Variants in NRG3 observed in about 807,000 individuals in gnomAD.
NRG3 encodes neuregulin 3.
Under a neutral mutation model 66.9 loss-of-function variants are expected in NRG3, and 31 were observed. The observed-to-expected ratio is 0.46, with a 90% confidence interval of 0.35 to 0.63. The LOEUF (loss-of-function observed/expected upper bound fraction) is 0.63. Among genes scored for constraint, NRG3 ranks in the 20% least tolerant of loss-of-function variants. NRG3 has a pLI of 0.00. For missense variants in NRG3, 910 were observed against 878.9 expected (o/e 1.04, Z -0.45); for synonymous variants, 393 against 359.4 (o/e 1.09, Z -1.06).
chr10:82,121,879 C>T (rs2068115695), intron 1 of NRG3, among the ~76,000 whole-genome samples: 2 of 152,116 alleles, frequency 1.3e-5, no homozygotes, highest in Admixed American at 6.6e-5. Context: ...CTCCAGCAAT[C>T]CTCCTGTTTT....
intron 2 of NRG3, among the ~76,000 whole-genome samples, chr10:82,712,420 A>C (rs2056728562): frequency 6.6e-6 from 1 of 152,220 alleles, no homozygotes; most frequent in Admixed American, 6.5e-5. Flanking sequence ...TAATAGTTAC[A>C]TAGGGCTGTG....
chr10:82,858,013 T>C (rs1352767685), intron 3 of NRG3, among the ~76,000 whole-genome samples: 2 of 152,158 alleles, frequency 1.3e-5, no homozygotes, highest in Non-Finnish European at 2.9e-5. Context: ...CTCACACTCT[T>C]GACAGTTCCC....
At chr10:82,300,100 A>C (rs2080308171) in intron 1 of NRG3, among the ~76,000 whole-genome samples, 1 of 152,176 alleles carries the variant, frequency 6.6e-6, no homozygotes, top group South Asian at 2.1e-4. Flanking sequence ...CAAATAAAGA[A>C]GTGTAAACAC....
At chr10:82,564,667 T>A (rs2045278050) in intron 2 of NRG3, among the ~76,000 whole-genome samples, 2 of 152,076 alleles carry the variant, frequency 1.3e-5, no homozygotes, top group Non-Finnish European at 2.9e-5. Flanking sequence ...TCCAGGTGAA[T>A]CCGGACACAA....
At chr10:82,653,809 C>T (rs1429532177) in intron 2 of NRG3, among the ~76,000 whole-genome samples, 1 of 152,038 alleles carries the variant, frequency 6.6e-6, no homozygotes, top group Non-Finnish European at 1.5e-5. Context: ...AGAGCGAGGG[C>T]CTCATCAAGT....
intron 2 of NRG3, among the ~76,000 whole-genome samples, chr10:82,530,832 G>C (rs559873188): frequency 6.6e-6 from 1 of 151,684 alleles, no homozygotes; most frequent in Non-Finnish European, 1.5e-5. Flanking sequence ...GTTTTTAATC[G>C]AATGAGTTTA....
chr10:82,375,377 A>C (rs1384049303), intron 2 of NRG3, among the ~76,000 whole-genome samples: 1 of 152,092 alleles, frequency 6.6e-6, no homozygotes, highest in African/African-American at 2.4e-5. Context: ...CTCTATTAAA[A>C]ATACAAAAAA....
At chr10:82,873,837 G>A (rs777873569) in intron 4 of NRG3, among the ~76,000 whole-genome samples, 13 of 151,910 alleles carry the variant, frequency 8.6e-5, no homozygotes, top group Non-Finnish European at 1.3e-4. Context: ...ATATTTTGTC[G>A]GTGATTTGAC....
intron 2 of NRG3, among the ~76,000 whole-genome samples, chr10:82,597,375 C>G (rs1403862520): frequency 6.6e-6 from 1 of 152,098 alleles, no homozygotes; most frequent in Non-Finnish European, 1.5e-5. Context: ...ATTTCACGGC[C>G]CTTGAAACTC....
chr10:82,942,729 C>G (rs771051657), intron 4 of NRG3, among the ~76,000 whole-genome samples: 2 of 152,160 alleles, frequency 1.3e-5, no homozygotes, highest in Admixed American at 6.5e-5. Flanking sequence ...TTGTTGCATG[C>G]GTCTGTTTCA....
chr10:82,742,043 C>G (rs2058448013), intron 3 of NRG3, among the ~76,000 whole-genome samples: 1 of 152,010 alleles, frequency 6.6e-6, no homozygotes, highest in African/African-American at 2.4e-5. Flanking sequence ...AAATAAGCTT[C>G]CACTCAACTC....
chr10:82,562,665 A>G (rs928512357), intron 2 of NRG3, among the ~76,000 whole-genome samples: 1 of 152,280 alleles, frequency 6.6e-6, no homozygotes, highest in Admixed American at 6.5e-5. Flanking sequence ...TGAATATAGT[A>G]AAAGTTTTTT....
At chr10:81,914,198 T>C (rs930938061) in intron 1 of NRG3, among the ~76,000 whole-genome samples, 2 of 152,176 alleles carry the variant, frequency 1.3e-5, no homozygotes, top group African/African-American at 4.8e-5. Context: ...CGTATTACCT[T>C]TATAATAAAA....
rs370434382 is a variant in NRG3 at position 82,425,225 on chromosome 10, C to T, written c.953+66357C>T. Among the ~76,000 whole-genome samples the T allele has an allele frequency of 3.9e-5, 6 of 152,186 alleles. No individual in the cohort carries two copies. In the East Asian group the frequency reaches 7.7e-4, roughly 20 times the overall value. On this transcript the variant is annotated intron_variant, in intron 2 of 8. Coordinates refer to ENST00000372141, the MANE Select transcript of NRG3 (RefSeq NM_001010848.4). ...GGATCACATTGAATCTGCTCATCAA[C>T]TTGGGGACTATAGATATTATAACAA...
intron 1 of NRG3, among the ~76,000 whole-genome samples, chr10:81,982,272 T>G (rs2060357180): frequency 6.6e-6 from 1 of 152,176 alleles, no homozygotes; most frequent in Non-Finnish European, 1.5e-5. Context: ...GTAAGTGTTG[T>G]CTTTCCTCTA....
chr10:82,067,779 G>T (rs575010814), intron 1 of NRG3, among the ~76,000 whole-genome samples: 2 of 152,268 alleles, frequency 1.3e-5, no homozygotes, highest in Non-Finnish European at 2.9e-5. Context: ...AGCCACTCAA[G>T]AAACCTTGCT....
intron 3 of NRG3, among the ~76,000 whole-genome samples, chr10:82,796,286 A>C (rs1243971010): frequency 1.3e-5 from 2 of 152,176 alleles, no homozygotes; most frequent in East Asian, 3.9e-4. Flanking sequence ...CCATGAACTT[A>C]ATACTAAAAT....
chr10:82,553,274 AT>A (rs34274121), intron 2 of NRG3, among the ~76,000 whole-genome samples: 21 of 149,684 alleles, frequency 1.4e-4, no homozygotes, highest in South Asian at 2.1e-4. Flanking sequence ...CAGCTTCAGC[AT>A]TTTTTTTTTC....
intron 1 of NRG3, among the ~76,000 whole-genome samples, chr10:82,093,074 G>A (rs1321817798): frequency 6.6e-6 from 1 of 152,094 alleles, no homozygotes; most frequent in Non-Finnish European, 1.5e-5. Context: ...TTCTTGTCAA[G>A]GTCTAAGATT....
Sources: allele counts gnomAD v4.1 joint callset (sites outside exome capture counted in the v4.1 genomes callset), GRCh38; gene constraint gnomAD v4.1.1; transcripts MANE v1.5; gene names NCBI Gene and HGNC (gene_info 2026-07-23, HGNC 2026-07-21).